Variants in TAOK3 observed in about 807,000 individuals in gnomAD.
The protein encoded by TAOK3 is serine/threonine-protein kinase TAO3.
A neutral mutation model predicts 120.4 loss-of-function variants in TAOK3; 40 were observed. That is an observed-to-expected ratio of 0.33 (90% CI 0.26 to 0.43). The LOEUF (loss-of-function observed/expected upper bound fraction) is 0.43, where lower values mean the gene tolerates loss of function less well. Ranked by LOEUF, TAOK3 falls within the 20% of genes least tolerant of loss-of-function variation. TAOK3 has a pLI of 1.00. For synonymous variants in TAOK3, 355 were observed against 387.5 expected (o/e 0.92, Z 0.99); for missense variants, 821 against 1,112.1 (o/e 0.74, Z 3.72).
At position 118,150,254 on chromosome 12, in the gene TAOK3, C is replaced by T. The variant is rs1218660856; in HGVS notation, c.*743G>A. The T allele has an allele frequency of 6.6e-6, 1 of 152,556 alleles. No individual in the cohort carries two copies. Among genetic ancestry groups the T allele is most frequent in the Non-Finnish European group, 1.5e-5 (1 of 68,020 alleles). The allele number at this position is 152,556 out of a possible 1,614,324, so 9.5% of individuals were successfully genotyped here. On this transcript the variant is annotated 3_prime_UTR_variant, in exon 21 of 21. Transcript: ENST00000392533. ...TTGTGCTACTGGGATTCTGTGAGCT[C>T]CTTAAGTGTATTCACATCCTCTGCA...
intron 9 of TAOK3, among the ~76,000 whole-genome samples, chr12:118,216,440 G>T (rs528399252): frequency 5.3e-5 from 8 of 152,218 alleles, no homozygotes; most frequent in East Asian, 1.9e-4. Context: ...TCTCTCAAAA[G>T]AAATCATAAG....
chr12:118,302,318 G>C (rs577533199), intron 1 of TAOK3, among the ~76,000 whole-genome samples: 1 of 152,296 alleles, frequency 6.6e-6, no homozygotes, highest in Admixed American at 6.5e-5. Context: ...GAGGGTTTTG[G>C]CACTGCCTCA....
chr12:118,214,320 C>T (rs375812932), intron 9 of TAOK3: 1 of 482,628 alleles, frequency 2.1e-6, no homozygotes, highest in African/African-American at 2.0e-5. Context: ...GGCAAAGCTC[C>T]TAACAGAACT....
intron 17 of TAOK3, among the ~76,000 whole-genome samples, chr12:118,169,048 T>G (rs1458428909): frequency 2.0e-5 from 3 of 151,918 alleles, no homozygotes; most frequent in Non-Finnish European, 2.9e-5. Flanking sequence ...AGTTTCACTC[T>G]TGTTGCCCAG....
chr12:118,325,028 G>A (rs1358514495), intron 1 of TAOK3, among the ~76,000 whole-genome samples: 1 of 152,056 alleles, frequency 6.6e-6, no homozygotes, highest in Non-Finnish European at 1.5e-5. Flanking sequence ...TTACAGGCGT[G>A]AGCCACCGCG....
intron 1 of TAOK3, among the ~76,000 whole-genome samples, chr12:118,338,786 C>CAAAAAAAAAA (rs71069438): frequency 2.0e-5 from 1 of 49,840 alleles, no homozygotes; most frequent in Admixed American, 3.1e-4. Context: ...GACTCCGTCT[C>CAAAAAAAAAA]AAAAAAAAAA....
rs1345688348 is a variant in TAOK3 at position 118,172,508 on chromosome 12, C to T, written c.1848G>A (p.Lys616=). 3.1e-6 allele frequency: 5 copies of T among 1,614,142 alleles called. No individual in the cohort carries two copies. Among genetic ancestry groups the T allele is most frequent in the Admixed American group, 1.7e-5 (1 of 60,006 alleles). The change falls in exon 17 of 21, where the codon AAG becomes AAA. Residue 616 remains lysine (K), a synonymous_variant. Transcript: ENST00000392533. ...CGTGCCGCTTGATCATTATTTTCCGCTTGAAGAAACGACAATTTTTGTCGT... is the reference window on the plus strand; with the variant it reads ...CGTGCCGCTTGATCATTATTTTCCGTTTGAAGAAACGACAATTTTTGTCGT... ...LYYDKNCRFF[K]RKIMIKRHEV...
intron 17 of TAOK3, among the ~76,000 whole-genome samples, chr12:118,164,669 C>T (rs1311680777): frequency 6.6e-6 from 1 of 152,138 alleles, no homozygotes; most frequent in Non-Finnish European, 1.5e-5. Context: ...CCACCCGCCT[C>T]GGCCTTTCAA....
At chr12:118,360,598 T>C (rs2045565329) in intron 1 of TAOK3, among the ~76,000 whole-genome samples, 1 of 151,574 alleles carries the variant, frequency 6.6e-6, no homozygotes, top group Non-Finnish European at 1.5e-5. Context: ...AGTATGTGAT[T>C]TCATTCAACA....
At chr12:118,181,281 C>T in intron 15 of TAOK3, 90 bp downstream of exon 15, 2 of 1,113,296 alleles carry the variant, frequency 1.8e-6, no homozygotes, top group Non-Finnish European at 2.6e-6. Flanking sequence ...TTTCCTCCAT[C>T]CCCCACTCCT....
chr12:118,296,599 C>T (rs1032137313), intron 1 of TAOK3, among the ~76,000 whole-genome samples: 1 of 152,142 alleles, frequency 6.6e-6, no homozygotes, highest in South Asian at 2.1e-4. Context: ...TCCATGTAAC[C>T]TCTGTACCTC....
At chr12:118,269,985 C>A (rs974239762) in intron 1 of TAOK3, among the ~76,000 whole-genome samples, 2 of 152,042 alleles carry the variant, frequency 1.3e-5, no homozygotes, top group African/African-American at 4.8e-5. Context: ...TCTGATTATA[C>A]TTCCTCTTCT....
At chr12:118,217,092 CTCT>C (rs917062020) in intron 9 of TAOK3, among the ~76,000 whole-genome samples, 10 of 152,154 alleles carry the variant, frequency 6.6e-5, no homozygotes, top group African/African-American at 1.7e-4. Context: ...TAAGTAAAGG[CTCT>C]TCTTCTATTA....
Position 118,150,809 on chromosome 12 carries a change from G to A in TAOK3, c.*188C>T. On this transcript the variant is annotated 3_prime_UTR_variant, in exon 21 of 21. Coordinates refer to ENST00000392533, the MANE Select transcript of TAOK3 (RefSeq NM_016281.4). ...TGGCCAGCACTGAAAGTTGACACGG[G>A]GGGAGGAAGGGGGCCCCTGATGGAG... 3.3e-6 allele frequency: 2 copies of A among 612,488 alleles called. No homozygotes were observed. Among genetic ancestry groups the A allele is most frequent in the East Asian group, 5.7e-5 (2 of 35,272 alleles). The allele number at this position is 612,488 out of a possible 1,614,324, so 37.9% of individuals were successfully genotyped here.
intron 1 of TAOK3, among the ~76,000 whole-genome samples, chr12:118,319,377 A>G (rs1015447765): frequency 6.6e-6 from 1 of 152,186 alleles, no homozygotes; most frequent in African/African-American, 2.4e-5. Flanking sequence ...GACAGAGAAA[A>G]TATTTGCAAA....
At position 118,255,485 on chromosome 12, in the gene TAOK3, T is replaced by C. The variant is rs1566021422; in HGVS notation, c.83A>G (p.His28Arg). The C allele has an allele frequency of 6.2e-7, 1 of 1,614,142 alleles. No individual in the cohort carries two copies. The highest frequency in any genetic ancestry group is 8.5e-7 in the Non-Finnish European group (1 of 1,180,010). The change falls in exon 3 of 21, where the codon CAT (histidine) becomes CGT (arginine). Residue 28 changes from histidine to arginine, a missense_variant. His to Arg is a conservative substitution (Grantham distance 29). This residue lies in a region of TAOK3 where 467 missense variants were observed against 540.0 expected (regional missense o/e 0.86). Coordinates refer to ENST00000392533, the MANE Select transcript of TAOK3 (RefSeq NM_016281.4). ...TCCAAAACTTCCATGTCCAATTTCA[T>C]GCAAACCAATAAAAAGTTCCTCAGG... ...DDPEELFIGL[H>R]EIGHGSFGAV...
intron 1 of TAOK3, among the ~76,000 whole-genome samples, chr12:118,285,819 GT>G (rs1225609933): frequency 6.6e-6 from 1 of 152,182 alleles, no homozygotes; most frequent in Non-Finnish European, 1.5e-5. Flanking sequence ...GGTCAGAGCA[GT>G]TTGGTTTTGT....
chr12:118,165,226 T>C (rs11068855), intron 17 of TAOK3, among the ~76,000 whole-genome samples: 7,971 of 152,230 alleles, frequency 0.052, 414 homozygotes, highest in East Asian at 0.23. Flanking sequence ...CACCAAAGGA[T>C]GGAGAGCCCT....
intron 1 of TAOK3, among the ~76,000 whole-genome samples, chr12:118,337,322 G>A (rs2044406882): frequency 1.3e-5 from 2 of 152,298 alleles, no homozygotes; most frequent in South Asian, 2.1e-4. Context: ...CTTACATGTA[G>A]AATGGTACAG....
Sources: allele counts gnomAD v4.1 joint callset (sites outside exome capture counted in the v4.1 genomes callset), GRCh38; gene constraint gnomAD v4.1.1; regional missense constraint gnomAD v4.1.1; transcripts MANE v1.5; gene names NCBI Gene and HGNC (gene_info 2026-07-23, HGNC 2026-07-21).